The following ANKRD36 variants were observed in gnomAD, a reference collection of about 807,000 sequenced individuals.
ANKRD36 encodes ankyrin repeat domain 36, also known as ankyrin repeat domain-containing protein 36A.
ANKRD36 carries 179 observed loss-of-function variants against 278.1 expected under a neutral mutation model. That is an observed-to-expected ratio of 0.64 (90% CI 0.57 to 0.73). The LOEUF (loss-of-function observed/expected upper bound fraction) is 0.73, where lower values mean the gene tolerates loss of function less well. Ranked by LOEUF, ANKRD36 falls within the 30% of genes least tolerant of loss-of-function variation. The pLI is 0.00. For synonymous variants in ANKRD36, 320 were observed against 641.1 expected, an observed-to-expected ratio of 0.50 and a Z score of 7.57; for missense variants, 1,159 against 1,956.7, an observed-to-expected ratio of 0.59 and a Z score of 7.69.
intron 22 of ANKRD36, among the ~76,000 whole-genome samples, chr2:97,177,879 A>C (rs1289437076): frequency 6.6e-6 from 1 of 151,782 alleles, no homozygotes; most frequent in Non-Finnish European, 1.5e-5. Flanking sequence ...CTACCATCAG[A>C]GTGAACAGGC....
chr2:97,200,427 A>G (rs372168491), intron 45 of ANKRD36, 26 bp from the exon 46 acceptor site: 3 of 1,600,284 alleles, frequency 1.9e-6, no homozygotes, highest in South Asian at 1.1e-5. Flanking sequence ...TACCTTATTT[A>G]TTACTTTGTT....
At chr2:97,204,632 G>C (rs993574276) in intron 50 of ANKRD36, among the ~76,000 whole-genome samples, 13 of 151,580 alleles carry the variant, frequency 8.6e-5, no homozygotes, top group African/African-American at 2.9e-4. Context: ...GCCAAGAAAA[G>C]ACAGAAAGCT....
rs765817621 is a variant in ANKRD36, at chr2:97,118,184, T to C, written c.312+6T>C. On this transcript the variant is annotated splice_donor_region_variant and intron_variant, in intron 2 of 75. Coordinates refer to ENST00000420699, the MANE Select transcript of ANKRD36 (RefSeq NM_001354587.1). Reference sequence around the variant, plus strand: ...ACAGGACACCTCTGATCAAGGTATATAGTAGCTGACTCTTTGAGCATGAGA... The same window carrying C: ...ACAGGACACCTCTGATCAAGGTATACAGTAGCTGACTCTTTGAGCATGAGA... The C allele has an allele frequency of 1.0e-5, 16 of 1,583,610 alleles. No individual in the cohort carries two copies. Among genetic ancestry groups the C allele is most frequent in the Non-Finnish European group, 1.4e-5 (16 of 1,163,322 alleles).
intron 46 of ANKRD36, among the ~76,000 whole-genome samples, chr2:97,200,899 A>G (rs1358056279): frequency 2.0e-5 from 3 of 151,880 alleles, no homozygotes; most frequent in Non-Finnish European, 2.9e-5. Flanking sequence ...CAGACAGAAA[A>G]CTGTTCATTA....
chr2:97,217,472 T>G (rs1382440694), intron 64 of ANKRD36, 100 bp downstream of exon 64: 2 of 1,513,354 alleles, frequency 1.3e-6, no homozygotes, highest in East Asian at 2.5e-5. Context: ...AAATGCACTT[T>G]CTGATTCAGC....
chr2:97,150,557 T>C (rs2153463806), intron 12 of ANKRD36, among the ~76,000 whole-genome samples: 1 of 152,322 alleles, frequency 6.6e-6, no homozygotes, highest in African/African-American at 2.4e-5. Flanking sequence ...ATTAAATCTA[T>C]TAAATGTCTT....
chr2:97,222,112 G>T (rs2067912780), intron 66 of ANKRD36, among the ~76,000 whole-genome samples: 1 of 151,960 alleles, frequency 6.6e-6, no homozygotes, highest in African/African-American at 2.4e-5. Flanking sequence ...TATTTCTGAG[G>T]GCTCTGTTCT....
At chr2:97,210,226 G>A (rs1298346903) in intron 56 of ANKRD36, among the ~76,000 whole-genome samples, 9 of 151,824 alleles carry the variant, frequency 5.9e-5, no homozygotes, top group East Asian at 2.0e-4. Flanking sequence ...ACGTCACATC[G>A]TACTGCTAAA....
intron 4 of ANKRD36, among the ~76,000 whole-genome samples, chr2:97,123,902 T>C (rs2037729679): frequency 6.8e-6 from 1 of 146,766 alleles, no homozygotes; most frequent in Non-Finnish European, 1.5e-5. Context: ...TTTATATATA[T>C]GTGATATTAC....
intron 6 of ANKRD36, among the ~76,000 whole-genome samples, chr2:97,132,180 A>G (rs1039180025): frequency 6.6e-6 from 1 of 150,804 alleles, no homozygotes; most frequent in African/African-American, 2.4e-5. Flanking sequence ...CTGGAGTGCA[A>G]TGGTTGTTCA....
At chr2:97,222,795 T>C (rs1440399967) in intron 66 of ANKRD36, among the ~76,000 whole-genome samples, 3 of 152,108 alleles carry the variant, frequency 2.0e-5, no homozygotes, top group Non-Finnish European at 4.4e-5. Flanking sequence ...TATATAGAAG[T>C]GTTGATATTA....
At chr2:97,183,766 G>A in intron 28 of ANKRD36, 112 bp downstream of exon 28, 1 of 1,373,852 alleles carries the variant, frequency 7.3e-7, no homozygotes, top group Non-Finnish European at 9.9e-7. Context: ...GATTCAGCAG[G>A]CCTGAGATTA....
chr2:97,208,588 A>G (rs4350790), intron 54 of ANKRD36, among the ~76,000 whole-genome samples: 111,788 of 145,424 alleles, frequency 0.77, 45,996 homozygotes, highest in Non-Finnish European at 0.88. Flanking sequence ...ATTTGCTTTT[A>G]GCTGCTCCAG....
At chr2:97,212,298 A>G (rs993502596) in intron 58 of ANKRD36, among the ~76,000 whole-genome samples, 1 of 151,890 alleles carries the variant, frequency 6.6e-6, no homozygotes, top group African/African-American at 2.4e-5. Flanking sequence ...CATTTGGAAC[A>G]TTTGCATAAA....
At chr2:97,227,610 C>A (rs1397743352) in intron 67 of ANKRD36, among the ~76,000 whole-genome samples, 1 of 152,082 alleles carries the variant, frequency 6.6e-6, no homozygotes, top group Non-Finnish European at 1.5e-5. Flanking sequence ...AATTGAATAC[C>A]CTTTATTTCC....
At chr2:97,178,931 A>G (rs1208807747) in intron 22 of ANKRD36, among the ~76,000 whole-genome samples, 2 of 151,656 alleles carry the variant, frequency 1.3e-5, no homozygotes, top group Non-Finnish European at 2.9e-5. Flanking sequence ...TTGACTCCCA[A>G]ATGGTTATTT....
intron 22 of ANKRD36, among the ~76,000 whole-genome samples, chr2:97,174,044 G>A (rs1274473914): frequency 6.6e-6 from 1 of 150,950 alleles, no homozygotes; most frequent in Non-Finnish European, 1.5e-5. Context: ...CATGACATAT[G>A]TATATATATG....
intron 20 of ANKRD36, among the ~76,000 whole-genome samples, chr2:97,167,185 A>G (rs1325777248): frequency 6.6e-6 from 1 of 152,288 alleles, no homozygotes; most frequent in Admixed American, 6.5e-5. Context: ...TTTGTTAACT[A>G]TGCTTCTGTA....
chr2:97,211,980 A>G (rs563549790), intron 58 of ANKRD36, among the ~76,000 whole-genome samples: 45 of 151,996 alleles, frequency 3.0e-4, no homozygotes, highest in African/African-American at 9.9e-4. Context: ...TCTGACAGCA[A>G]TTCAACACAT....
Sources: allele counts gnomAD v4.1 joint callset (sites outside exome capture counted in the v4.1 genomes callset), GRCh38; gene constraint gnomAD v4.1.1; transcripts MANE v1.5; gene names NCBI Gene and HGNC (gene_info 2026-07-23, HGNC 2026-07-21).